The following NIPA2 variants were observed in gnomAD, a reference collection of about 807,000 sequenced individuals.
NIPA2 encodes NIPA magnesium transporter 2.
Under a neutral mutation model 29.7 loss-of-function variants are expected in NIPA2, and 11 were observed. The ratio of observed to expected loss-of-function variants is 0.37; its 90% CI spans 0.23 to 0.61. The LOEUF (loss-of-function observed/expected upper bound fraction) is 0.61. Among genes scored for constraint, NIPA2 ranks in the 20% least tolerant of loss-of-function variants. The pLI, the probability that NIPA2 is intolerant of heterozygous loss-of-function variation, is 0.66. For missense variants in NIPA2, 426 were observed against 437.9 expected (o/e 0.97, Z 0.24); for synonymous variants, 183 against 161.9 (o/e 1.13, Z -0.99).
At chr15:22,845,906 G>A (rs1566823626) in intron 3 of NIPA2, among the ~76,000 whole-genome samples, 1 of 152,096 alleles carries the variant, frequency 6.6e-6, no homozygotes, top group Non-Finnish European at 1.5e-5. Flanking sequence ...ATTTTAAATA[G>A]CATCATGAAA....
At position 22,867,022 on chromosome 15, in the gene NIPA2, G is replaced by A. The variant is rs968832925; in HGVS notation, c.*175G>A. ...TCTTGTATTTAAACAAACAATGGTA[G>A]CTCACTAAAATGACCTCAGCACATG... On this transcript the variant is annotated 3_prime_UTR_variant, in exon 8 of 8. Coordinates refer to ENST00000337451, the MANE Select transcript of NIPA2 (RefSeq NM_030922.7). 1.6e-6 allele frequency: 1 copy of A among 606,432 alleles called. No individual in the cohort carries two copies. The highest frequency in any genetic ancestry group is 2.8e-6 in the Non-Finnish European group (1 of 359,586). The allele number at this position is 606,432 out of a possible 1,614,324, so 37.6% of individuals were successfully genotyped here.
chr15:22,863,780 T>G (rs771537373), intron 7 of NIPA2, among the ~76,000 whole-genome samples: 7 of 152,198 alleles, frequency 4.6e-5, no homozygotes, highest in African/African-American at 7.2e-5. Flanking sequence ...CTTGCATTAG[T>G]AGTTGCCCCA....
Position 22,867,918 on chromosome 15 carries a change from A to G in NIPA2, c.*1071A>G, listed in dbSNP as rs1409932252. ...AAAGGTAGAATAATAAAAAAGGTCT[A>G]ATGAACTCCATTCAGCTTTGAACCT... is the stretch of plus-strand genomic sequence containing the variant. On this transcript the variant is annotated 3_prime_UTR_variant, in exon 8 of 8. Transcript: ENST00000337451. 1 of 152,234 alleles carries G rather than the reference A, an allele frequency of 6.6e-6. No individual in the cohort carries two copies. The highest frequency in any genetic ancestry group is 6.5e-5 in the Admixed American group (1 of 15,284). 9.4% of individuals were successfully genotyped at this position (152,234 alleles called of 1,614,324 possible). A position where few individuals can be genotyped will look rare whatever the true frequency, so the allele number is the denominator to read the frequency against.
At chr15:22,844,797 C>T (rs1459409837) in intron 2 of NIPA2, among the ~76,000 whole-genome samples, 2 of 152,108 alleles carry the variant, frequency 1.3e-5, no homozygotes, top group African/African-American at 4.8e-5. Context: ...CCTTCCCCTC[C>T]CACACACAGA....
rs758248755 is a variant in NIPA2, at chr15:22,851,809, A to T, written c.78A>T (p.Gly26=). 1 of 1,613,530 alleles carries T rather than the reference A, an allele frequency of 6.2e-7. No individual in the cohort carries two copies. The highest frequency in any genetic ancestry group is 1.1e-5 in the South Asian group (1 of 91,036). Residue 26 remains glycine (G), a synonymous_variant, in exon 4 of 8, where the codon GGA becomes GGT. Coordinates refer to ENST00000337451, the MANE Select transcript of NIPA2 (RefSeq NM_030922.7). ...TGAGCTCCAGCATTTTCATTGGAGG[A>T]AGTTTCATTTTGAAAAAAAAGGGCC... ...LAMSSSIFIG[G]SFILKKKGLL...
chr15:22,846,837 A>ATTATTATTATT (rs1898827882), intron 3 of NIPA2, among the ~76,000 whole-genome samples: 26 of 101,290 alleles, frequency 2.6e-4, no homozygotes, highest in African/African-American at 9.7e-4. Flanking sequence ...TAATAATAAT[A>ATTATTATTATT]ATAATTATTA....
chr15:22,851,586 G>T, intron 3 of NIPA2, 53 bp from the exon 4 acceptor site: 1 of 500,818 alleles, frequency 2.0e-6, no homozygotes, highest in Non-Finnish European at 3.3e-6. Context: ...TGAATTGCAT[G>T]TGAGCTGTCA....
At position 22,866,249 on chromosome 15, in the gene NIPA2, C is replaced by G. The variant is rs146688318; in HGVS notation, c.485C>G (p.Ala162Gly). The change falls in exon 8 of 8, where the codon GCC (alanine) becomes GGC (glycine). Residue 162 changes from alanine (A) to glycine (G), a missense_variant. Transcript: ENST00000337451. Reference protein sequence around the residue: ...VVFATLVVIVALILIFVVGPR... With the variant: ...VVFATLVVIVGLILIFVVGPR... ...TTTGCAACCCTTGTGGTCATTGTGG[C>G]CTTGATATTAATCTTCGTGGTGGGT... The G allele has an allele frequency of 1.6e-5, 26 of 1,613,790 alleles. No homozygotes were observed. Among genetic ancestry groups the G allele is most frequent in the Non-Finnish European group, 1.9e-5 (23 of 1,179,844 alleles).
At chr15:22,845,634 A>G (rs954238696) in intron 3 of NIPA2, among the ~76,000 whole-genome samples, 1 of 152,162 alleles carries the variant, frequency 6.6e-6, no homozygotes, top group Non-Finnish European at 1.5e-5. Context: ...TCTTTGTAGC[A>G]CAGCTTAAGG....
At chr15:22,859,163 G>C (rs557859168) in intron 6 of NIPA2, among the ~76,000 whole-genome samples, 5 of 152,160 alleles carry the variant, frequency 3.3e-5, no homozygotes, top group African/African-American at 9.6e-5. Context: ...TATAGAGCGA[G>C]ACTCTGTCTC....
At chr15:22,849,591 G>A (rs954403027) in intron 3 of NIPA2, among the ~76,000 whole-genome samples, 4 of 147,044 alleles carry the variant, frequency 2.7e-5, no homozygotes, top group Non-Finnish European at 5.9e-5. Flanking sequence ...ATAGAGTCTC[G>A]CTCTGTCGCC....
chr15:22,867,087 A>G lies in NIPA2; in HGVS notation c.*240A>G, dbSNP rs1240429161. On this transcript the variant is annotated 3_prime_UTR_variant, in exon 8 of 8. Coordinates refer to ENST00000337451, the MANE Select transcript of NIPA2 (RefSeq NM_030922.7). ...CATTTTATTGTTGTAGAAGTATTTTACATTTTCATCCCTTCTCCAAAAGCC... is the reference window on the plus strand; with the variant it reads ...CATTTTATTGTTGTAGAAGTATTTTGCATTTTCATCCCTTCTCCAAAAGCC... 4.0e-6 allele frequency: 2 copies of G among 496,490 alleles called. No individual in the cohort carries two copies. The highest frequency in any genetic ancestry group is 3.2e-5 in the East Asian group (1 of 31,716). 30.8% of individuals were successfully genotyped at this position (496,490 alleles called of 1,614,324 possible).
chr15:22,850,916 T>G (rs2057684881), intron 3 of NIPA2, among the ~76,000 whole-genome samples: 1 of 152,194 alleles, frequency 6.6e-6, no homozygotes, highest in Admixed American at 6.5e-5. Context: ...CTATTTTTTC[T>G]CTGCTATCCA....
intron 7 of NIPA2, 91 bp downstream of exon 7, chr15:22,860,880 A>C: frequency 1.1e-6 from 1 of 922,024 alleles, no homozygotes; most frequent in South Asian, 1.6e-5. Flanking sequence ...TAAGGAAAGA[A>C]ATTGTTCCAC....
chr15:22,843,068 A>G (rs566467794), intron 2 of NIPA2, among the ~76,000 whole-genome samples: 1 of 151,994 alleles, frequency 6.6e-6, no homozygotes, highest in South Asian at 2.1e-4. Context: ...CTTTGTTACT[A>G]GTTTACACAA....
At chr15:22,857,836 CAAAAAAA>C (rs60523225) in intron 5 of NIPA2, among the ~76,000 whole-genome samples, 5 of 68,794 alleles carry the variant, frequency 7.3e-5, no homozygotes, top group African/African-American at 2.5e-4. Flanking sequence ...GACTCCATCT[CAAAAAAA>C]AAAAAAAAAA....
chr15:22,848,057 C>T (rs1251739823), intron 3 of NIPA2, among the ~76,000 whole-genome samples: 1 of 152,164 alleles, frequency 6.6e-6, no homozygotes, highest in African/African-American at 2.4e-5. Flanking sequence ...CTCGGCCTCC[C>T]AAAGTGCTGG....
intron 2 of NIPA2, among the ~76,000 whole-genome samples, chr15:22,840,937 A>G (rs969133845): frequency 2.7e-5 from 4 of 146,666 alleles, no homozygotes; most frequent in African/African-American, 7.5e-5. Flanking sequence ...TGTAAGCTTC[A>G]TTTAAACTGA....
At chr15:22,861,228 T>A (rs1388675992) in intron 7 of NIPA2, among the ~76,000 whole-genome samples, 1 of 152,212 alleles carries the variant, frequency 6.6e-6, no homozygotes, top group Non-Finnish European at 1.5e-5. Flanking sequence ...ATGAAACTCT[T>A]CCCCAGTTGA....
Sources: allele counts gnomAD v4.1 joint callset (sites outside exome capture counted in the v4.1 genomes callset), GRCh38; gene constraint gnomAD v4.1.1; transcripts MANE v1.5; gene names NCBI Gene and HGNC (gene_info 2026-07-23, HGNC 2026-07-21).